The following DLC1 variants were observed in gnomAD, a reference collection of about 807,000 sequenced individuals.
The protein encoded by DLC1 is DLC1 Rho GTPase activating protein.
In DLC1, 54 loss-of-function variants were observed where a neutral mutation model predicts 140.3. The ratio of observed to expected loss-of-function variants is 0.38; its 90% CI spans 0.31 to 0.48. The LOEUF (loss-of-function observed/expected upper bound fraction) is 0.48. DLC1 is among the 20% of genes least tolerant of loss of function. The pLI is 0.96. For missense variants in DLC1, 2,536 were observed against 1,907.0 expected (o/e 1.33, Z -6.14); for synonymous variants, 986 against 728.1 (o/e 1.35, Z -5.70).
Position 13,393,628 on chromosome 8 carries a change from C to A in DLC1, c.1239G>T (p.Leu413Phe), listed in dbSNP as rs1455342221. The change falls in exon 4 of 18, where the codon TTG becomes TTT. Residue 413 changes from leucine to phenylalanine, a missense_variant. Leu to Phe is a conservative substitution (Grantham distance 22). Coordinates refer to ENST00000276297, the MANE Select transcript of DLC1 (RefSeq NM_182643.3). Reference sequence around the variant, plus strand: ...GGTCCGTGGACTCAGTGTCAGAAGACAAATTTACTCGTGTCTGATTTACTG... The same window carrying A: ...GGTCCGTGGACTCAGTGTCAGAAGAAAAATTTACTCGTGTCTGATTTACTG... Reference protein sequence around the residue: ...TISVNQTRVNLSSDTESTDLP... With the variant: ...TISVNQTRVNFSSDTESTDLP... 2 of 1,614,116 alleles carry A rather than the reference C, an allele frequency of 1.2e-6. No homozygotes were observed. The highest frequency in any genetic ancestry group is 2.7e-5 in the African/African-American group (2 of 75,044).
At chr8:13,422,388 G>T (rs1158907370) in intron 2 of DLC1, among the ~76,000 whole-genome samples, 1 of 151,022 alleles carries the variant, frequency 6.6e-6, no homozygotes, top group Non-Finnish European at 1.5e-5. Context: ...CACTAGAAAG[G>T]AATTCAGAGA....
intron 5 of DLC1, among the ~76,000 whole-genome samples, chr8:13,247,772 G>C (rs540464021): frequency 1.3e-5 from 2 of 152,256 alleles, no homozygotes; most frequent in African/African-American, 4.8e-5. Context: ...TATCTTCCAG[G>C]CTGATTATCA....
At chr8:13,139,330 A>G (rs1018115887) in intron 5 of DLC1, among the ~76,000 whole-genome samples, 2 of 151,402 alleles carry the variant, frequency 1.3e-5, no homozygotes, top group African/African-American at 2.4e-5. Flanking sequence ...GGAAAAGAAA[A>G]AAAATGAGAG....
intron 5 of DLC1, among the ~76,000 whole-genome samples, chr8:13,158,452 C>T (rs191207406): frequency 1.2e-3 from 187 of 152,200 alleles, no homozygotes; most frequent in Middle Eastern, 3.4e-3. Flanking sequence ...AACTTTGTGA[C>T]GCCTATGAAA....
chr8:13,398,770 G>A (rs189345362), intron 3 of DLC1, among the ~76,000 whole-genome samples: 208 of 152,272 alleles, frequency 1.4e-3, no homozygotes, highest in Non-Finnish European at 2.6e-3. Context: ...GAGGTGGGAA[G>A]GAATGGAGAT....
chr8:13,594,251 A>G (rs536428978), intron 1 of DLC1, among the ~76,000 whole-genome samples: 2 of 152,260 alleles, frequency 1.3e-5, no homozygotes, highest in East Asian at 3.9e-4. Flanking sequence ...TCCAACAAAC[A>G]GAAAACCTCA....
intron 1 of DLC1, among the ~76,000 whole-genome samples, chr8:13,553,956 A>T (rs1803955574): frequency 6.6e-6 from 1 of 152,038 alleles, no homozygotes; most frequent in Non-Finnish European, 1.5e-5. Flanking sequence ...TGATCTTTCT[A>T]ACATCCCTGC....
rs1353808016 is a variant in DLC1, at chr8:13,094,931, G to A, written c.3354C>T (p.Val1118=). ...DQVGLFRKSG[V]KSRIQALRQM... is the part of the protein sequence containing the mutation. Reference sequence around the variant, plus strand: ...GGCGCAGAGCCTGAATCCGGGACTTGACCCCCGATTTTCTGAAGAGCCCAA... The same window carrying A: ...GGCGCAGAGCCTGAATCCGGGACTTAACCCCCGATTTTCTGAAGAGCCCAA... The change falls in exon 12 of 18, where the codon GTC becomes GTT. Residue 1118 remains valine (V), a synonymous_variant. Transcript: ENST00000276297. 6.2e-7 allele frequency: 1 copy of A among 1,614,194 alleles called. No homozygotes were observed. Among genetic ancestry groups the A allele is most frequent in the Admixed American group, 1.7e-5 (1 of 60,022 alleles).
intron 5 of DLC1, among the ~76,000 whole-genome samples, chr8:13,272,206 G>A (rs915465218): frequency 2.6e-5 from 4 of 152,132 alleles, no homozygotes; most frequent in Non-Finnish European, 5.9e-5. Context: ...TCGGCAATTT[G>A]CGAGGCCAAA....
At chr8:13,189,468 A>G (rs1826618048) in intron 5 of DLC1, among the ~76,000 whole-genome samples, 1 of 152,034 alleles carries the variant, frequency 6.6e-6, no homozygotes, top group African/African-American at 2.4e-5. Context: ...ACAAAAAGAA[A>G]AAGCCTATGG....
rs79983682 is a variant in DLC1 at position 13,345,372 on chromosome 8, G to A, written c.1315-40070C>T. On this transcript the variant is annotated intron_variant, in intron 4 of 17. Transcript: ENST00000276297. ...ACAGAGAGTCACCATTGCAGTGAGC[G>A]TAAAGAAAATGATTCTCCTTGAATC... Among the ~76,000 whole-genome samples, 834 of 152,022 alleles carry A rather than the reference G, an allele frequency of 5.5e-3. 4 individuals carry two copies. The highest frequency in any genetic ancestry group is 0.019 in the African/African-American group (774 of 41,480).
chr8:13,435,921 T>C (rs1224603652), intron 2 of DLC1, among the ~76,000 whole-genome samples: 2 of 152,210 alleles, frequency 1.3e-5, no homozygotes, highest in East Asian at 3.9e-4. Flanking sequence ...ATTACTCCCA[T>C]CAGTCAGCTG....
At chr8:13,319,478 G>A (rs896030797) in intron 4 of DLC1, among the ~76,000 whole-genome samples, 2 of 115,528 alleles carry the variant, frequency 1.7e-5, no homozygotes, top group African/African-American at 3.3e-5. Context: ...GCGGGGCGGG[G>A]GGGGGGGGTG....
chr8:13,431,751 C>G (rs113383800), intron 2 of DLC1, among the ~76,000 whole-genome samples: 2 of 151,880 alleles, frequency 1.3e-5, no homozygotes, highest in African/African-American at 2.4e-5. Context: ...GCTTACCTAT[C>G]TGTAGGGCTT....
At chr8:13,457,070 A>T (rs986954808) in intron 2 of DLC1, among the ~76,000 whole-genome samples, 1 of 152,108 alleles carries the variant, frequency 6.6e-6, no homozygotes, top group Non-Finnish European at 1.5e-5. Flanking sequence ...TTTTGATTCA[A>T]TTCTATTTCC....
intron 1 of DLC1, among the ~76,000 whole-genome samples, chr8:13,568,976 A>C (rs17823702): frequency 0.13 from 19,335 of 152,214 alleles, 1,427 homozygotes; most frequent in Middle Eastern, 0.2. Flanking sequence ...TTAGGTGTTG[A>C]GTTTTGAGAG....
chr8:13,448,816 T>C (rs1798916194), intron 2 of DLC1, among the ~76,000 whole-genome samples: 4 of 152,214 alleles, frequency 2.6e-5, no homozygotes, highest in Non-Finnish European at 4.4e-5. Context: ...ATTTCTAATA[T>C]ACGGCCACAA....
chr8:13,462,975 G>C (rs539747184), intron 2 of DLC1, among the ~76,000 whole-genome samples: 1 of 152,050 alleles, frequency 6.6e-6, no homozygotes, highest in Non-Finnish European at 1.5e-5. Context: ...TAAATCAGAA[G>C]TAACTGGCCT....
intron 2 of DLC1, among the ~76,000 whole-genome samples, chr8:13,475,413 A>G (rs1333458251): frequency 1.3e-5 from 2 of 152,194 alleles, no homozygotes; most frequent in African/African-American, 4.8e-5. Context: ...GCCATCTTTT[A>G]TATTGGGTTT....
Sources: gnomAD v4.1 joint callset for allele counts (sites outside exome capture counted in the v4.1 genomes callset) on GRCh38, gnomAD v4.1.1 for gene constraint, MANE v1.5 for transcripts, NCBI Gene and HGNC (gene_info 2026-07-23, HGNC 2026-07-21) for gene names.